Variants in SESTD1 observed in about 807,000 individuals in gnomAD.
SESTD1 encodes the protein SEC14 domain and spectrin repeat-containing protein 1.
SESTD1 carries 43 observed loss-of-function variants against 101.7 expected under a neutral mutation model. The ratio of observed to expected loss-of-function variants is 0.42; its 90% CI spans 0.33 to 0.55. SESTD1 has a LOEUF of 0.55. SESTD1 is among the 20% of genes least tolerant of loss of function. SESTD1 has a pLI of 0.07. For synonymous variants in SESTD1, 283 were observed against 286.8 expected (o/e 0.99, Z 0.13); for missense variants, 647 against 815.1 (o/e 0.79, Z 2.51).
chr2:179,141,609 G>C (rs1023910014), intron 9 of SESTD1, among the ~76,000 whole-genome samples: 8 of 151,028 alleles, frequency 5.3e-5, no homozygotes, highest in Admixed American at 1.3e-4. Flanking sequence ...TTTAATTCTT[G>C]TAACAGTCCT....
At chr2:179,158,439 C>T (rs977651975) in intron 5 of SESTD1, among the ~76,000 whole-genome samples, 4 of 152,104 alleles carry the variant, frequency 2.6e-5, no homozygotes, top group Non-Finnish European at 4.4e-5. Context: ...ATGAGCCACA[C>T]GGAAATTTTC....
chr2:179,192,070 A>T (rs2046327636), intron 1 of SESTD1, among the ~76,000 whole-genome samples: 1 of 152,146 alleles, frequency 6.6e-6, no homozygotes. Flanking sequence ...CTAAAAACCA[A>T]TACCACCTCC....
At chr2:179,177,548 T>C (rs2046032787) in intron 3 of SESTD1, among the ~76,000 whole-genome samples, 1 of 152,170 alleles carries the variant, frequency 6.6e-6, no homozygotes, top group South Asian at 2.1e-4. Flanking sequence ...TGCACGCTAG[T>C]TCCAAGAAGG....
At chr2:179,221,814 G>A (rs1242012141) in intron 1 of SESTD1, among the ~76,000 whole-genome samples, 3 of 151,690 alleles carry the variant, frequency 2.0e-5, no homozygotes, top group African/African-American at 7.3e-5. Context: ...CAGCTACTCA[G>A]GAGTCTGAGG....
chr2:179,222,998 G>T (rs943517633), intron 1 of SESTD1, among the ~76,000 whole-genome samples: 1 of 152,126 alleles, frequency 6.6e-6, no homozygotes, highest in Non-Finnish European at 1.5e-5. Flanking sequence ...AATGTTCACA[G>T]CAGCACTGTT....
intron 1 of SESTD1, among the ~76,000 whole-genome samples, chr2:179,243,348 G>A (rs1345563761): frequency 6.6e-6 from 1 of 152,214 alleles, no homozygotes; most frequent in Non-Finnish European, 1.5e-5. Flanking sequence ...AAGCAGTTTG[G>A]AGATTTCTCA....
intron 1 of SESTD1, among the ~76,000 whole-genome samples, chr2:179,261,669 AC>A (rs990637094): frequency 6.6e-6 from 1 of 152,074 alleles, no homozygotes; most frequent in Non-Finnish European, 1.5e-5. Context: ...AGAAAATGGA[AC>A]CCTCATTGCT....
intron 9 of SESTD1, among the ~76,000 whole-genome samples, chr2:179,141,486 AAT>A (rs2045273651): frequency 6.6e-6 from 1 of 151,904 alleles, no homozygotes; most frequent in Non-Finnish European, 1.5e-5. Context: ...AGCCTAGGAC[AAT>A]GTCATACTAT....
In SESTD1 at chr2:179,234,553, A is replaced by G. The variant is rs2047037632; in HGVS notation, c.-26+29946T>C. On this transcript the variant is annotated intron_variant, in intron 1 of 17. Coordinates refer to ENST00000428443, the MANE Select transcript of SESTD1 (RefSeq NM_178123.5). Reference sequence around the variant, plus strand: ...AGCACTTTGTGGGGCTGAGGCGGGTAGATCACTTGGGGTCAGGAGTTTGAG... The same window carrying G: ...AGCACTTTGTGGGGCTGAGGCGGGTGGATCACTTGGGGTCAGGAGTTTGAG... Among the ~76,000 whole-genome samples the G allele has an allele frequency of 2.0e-5, 3 of 152,136 alleles. No individual in the cohort carries two copies. The East Asian group carries it at 5.8e-4, about 29-fold the overall frequency.
At chr2:179,111,501 C>T (rs926465845) in intron 17 of SESTD1, among the ~76,000 whole-genome samples, 1 of 152,158 alleles carries the variant, frequency 6.6e-6, no homozygotes, top group Non-Finnish European at 1.5e-5. Context: ...GGTTAAGTGG[C>T]TTGCCCAAGG....
At chr2:179,235,418 TAA>T (rs2047051853) in intron 1 of SESTD1, among the ~76,000 whole-genome samples, 1 of 152,220 alleles carries the variant, frequency 6.6e-6, no homozygotes, top group Non-Finnish European at 1.5e-5. Context: ...AATTTTTCTA[TAA>T]GTCTGAAATT....
At chr2:179,180,035 T>C (rs573506864) in intron 3 of SESTD1, among the ~76,000 whole-genome samples, 69 of 152,290 alleles carry the variant, frequency 4.5e-4, no homozygotes, top group Admixed American at 1.2e-3. Flanking sequence ...CACCACTCTA[T>C]CACTCTGACT....
At chr2:179,245,508 T>G (rs1214237031) in intron 1 of SESTD1, among the ~76,000 whole-genome samples, 4 of 113,932 alleles carry the variant, frequency 3.5e-5, no homozygotes, top group African/African-American at 1.5e-4. Flanking sequence ...AGAGTGAGAC[T>G]CTGTCTCAAA....
At chr2:179,147,364 TG>T (rs1363782262) in intron 7 of SESTD1, among the ~76,000 whole-genome samples, 1 of 143,334 alleles carries the variant, frequency 7.0e-6, no homozygotes, top group South Asian at 2.1e-4. Flanking sequence ...TTTGTTTTTT[TG>T]TTTTTTTTTT....
chr2:179,166,392 G>A (rs146378485), intron 5 of SESTD1, among the ~76,000 whole-genome samples: 27 of 152,212 alleles, frequency 1.8e-4, no homozygotes, highest in African/African-American at 5.3e-4. Context: ...AGAGTGCTGC[G>A]GAAAGGACTG....
chr2:179,211,453 A>T lies in SESTD1; in HGVS notation c.-25-19587T>A, dbSNP rs531378494. Among the ~76,000 whole-genome samples the T allele has an allele frequency of 1.5e-5, 2 of 134,740 alleles. 1 individual carries two copies. The highest frequency in any genetic ancestry group is 3.2e-5 in the Non-Finnish European group (2 of 62,772). 88.4% of individuals were successfully genotyped at this position (134,740 alleles called of 152,430 possible). A position where few individuals can be genotyped will look rare whatever the true frequency, so the allele number is the denominator to read the frequency against. ...GTTACCAAAACCGCAGGGAACTAGT[A>T]TAAAAACTGGCACACAGACCAGTGG... On this transcript the variant is annotated intron_variant, in intron 1 of 17. Transcript: ENST00000428443.
At chr2:179,191,892 A>C in intron 1 of SESTD1, 26 bp from the exon 2 acceptor site, 7 of 1,443,086 alleles carry the variant, frequency 4.9e-6, no homozygotes, top group Non-Finnish European at 6.8e-6. Context: ...GTCAAATGTC[A>C]ACTACAAGAC....
chr2:179,109,886 T>C lies in SESTD1; in HGVS notation c.*13A>G, dbSNP rs200218736. ...GGATTATGAACTGCAAATCTGTAGGTAGCTGGTAGCTATTAGCTCTCTGTG... is the reference window on the plus strand; with the variant it reads ...GGATTATGAACTGCAAATCTGTAGGCAGCTGGTAGCTATTAGCTCTCTGTG... On this transcript the variant is annotated 3_prime_UTR_variant, in exon 18 of 18. Coordinates refer to ENST00000428443, the MANE Select transcript of SESTD1 (RefSeq NM_178123.5). 5 of 1,613,064 alleles carry C rather than the reference T, an allele frequency of 3.1e-6. No individual in the cohort carries two copies. The highest frequency in any genetic ancestry group is 3.3e-5 in the Admixed American group (2 of 59,902).
At chr2:179,177,023 A>T (rs1559129685) in intron 3 of SESTD1, among the ~76,000 whole-genome samples, 1 of 152,212 alleles carries the variant, frequency 6.6e-6, no homozygotes. Context: ...TGGGCTTCTT[A>T]GCGTTCCTTT....
Sources: gnomAD v4.1 joint callset for allele counts (sites outside exome capture counted in the v4.1 genomes callset) on GRCh38, gnomAD v4.1.1 for gene constraint, MANE v1.5 for transcripts, NCBI Gene and HGNC (gene_info 2026-07-23, HGNC 2026-07-21) for gene names.